The following HEPHL1 variants were observed in gnomAD, a reference collection of about 807,000 sequenced individuals.
HEPHL1 encodes the protein ferroxidase HEPHL1.
HEPHL1 carries 123 observed loss-of-function variants against 122.0 expected under a neutral mutation model. The ratio of observed to expected loss-of-function variants is 1.01; its 90% CI spans 0.87 to 1.17. HEPHL1 has a LOEUF of 1.17. HEPHL1 is among the 50% of genes most tolerant of loss of function. The pLI, the probability that HEPHL1 is intolerant of heterozygous loss-of-function variation, is 0.00. For synonymous variants in HEPHL1, 527 were observed against 508.9 expected (o/e 1.04, Z -0.48); for missense variants, 1,452 against 1,430.5 (o/e 1.01, Z -0.24).
At chr11:94,043,151 A>G (rs1451155653) in intron 1 of HEPHL1, among the ~76,000 whole-genome samples, 2 of 152,222 alleles carry the variant, frequency 1.3e-5, no homozygotes, top group Non-Finnish European at 2.9e-5. Flanking sequence ...AGAAAGTACA[A>G]TAAAATAAAA....
intron 17 of HEPHL1, among the ~76,000 whole-genome samples, 163 bp downstream of exon 17, chr11:94,106,293 CT>C (rs11315401): frequency 0.6 from 73,326 of 121,658 alleles, 20,440 homozygotes; most frequent in Admixed American, 0.67. Context: ...TATTTCTTTT[CT>C]TTTTTTTTTT....
chr11:94,083,761 T>G lies in HEPHL1; in HGVS notation c.1867+1193T>G, dbSNP rs1321112439. On this transcript the variant is annotated intron_variant, in intron 10 of 19. Coordinates refer to ENST00000315765, the MANE Select transcript of HEPHL1 (RefSeq NM_001098672.2). The stretch of plus-strand genomic sequence containing the variant: ...TCTTGTGCCAATGGAAAGCATGGAG[T>G]AGTACATTTCAGTGTCATCTTCTAC... Among the ~76,000 whole-genome samples the G allele has an allele frequency of 4.1e-5, 3 of 73,558 alleles. No homozygotes were observed. In the Admixed American group the frequency reaches 5.1e-4, roughly 13 times the overall value. 48.3% of individuals were successfully genotyped at this position (73,558 alleles called of 152,430 possible).
At chr11:94,042,875 T>TAAAAAAAAAAAACAAA in intron 1 of HEPHL1, among the ~76,000 whole-genome samples, 1 of 63,168 alleles carries the variant, frequency 1.6e-5, no homozygotes, top group Non-Finnish European at 2.9e-5. Flanking sequence ...TAAAGTATAA[T>TAAAAAAAAAAAACAAA]AAAAAAAAAA....
chr11:94,106,209 T>C (rs1366831678), intron 17 of HEPHL1, 79 bp downstream of exon 17: 1 of 1,136,666 alleles, frequency 8.8e-7, no homozygotes, highest in East Asian at 2.4e-5. Flanking sequence ...AAATAAGAGT[T>C]ACTTGGCAAT....
rs149413743 is a variant in HEPHL1 at position 94,025,224 on chromosome 11, G to A, written c.170+3686G>A. 1.6e-4 allele frequency among the ~76,000 whole-genome samples: 25 copies of A among 152,220 alleles called. No homozygotes were observed. The East Asian group carries it at 4.8e-3, about 29-fold the overall frequency. ...TCACTAATGTTTCCTAGAAAGTATAGGATTTAGGAGTTAGATTCTATTTAG... is the reference window on the plus strand; with the variant it reads ...TCACTAATGTTTCCTAGAAAGTATAAGATTTAGGAGTTAGATTCTATTTAG... On this transcript the variant is annotated intron_variant, in intron 1 of 19. Coordinates refer to ENST00000315765, the MANE Select transcript of HEPHL1 (RefSeq NM_001098672.2).
chr11:94,082,400 T>C lies in HEPHL1; in HGVS notation c.1717-18T>C. The stretch of plus-strand genomic sequence containing the variant: ...CCAAGCTGTACCTTTTATGTATTCA[T>C]TTCTTTCTTCTCTGTAGAAAGGAAT... On this transcript the variant is annotated intron_variant, in intron 9 of 19. Transcript: ENST00000315765. 1 of 1,581,930 alleles carries C rather than the reference T, an allele frequency of 6.3e-7. No homozygotes were observed. Among genetic ancestry groups the C allele is most frequent in the Non-Finnish European group, 8.6e-7 (1 of 1,162,334 alleles).
chr11:94,082,418 A>G lies in HEPHL1; in HGVS notation c.1717A>G (p.Lys573Glu). Reference protein sequence around the residue: ...KGVLNADGTQKGIDKEFYLLF... With the variant: ...KGVLNADGTQEGIDKEFYLLF... The stretch of plus-strand genomic sequence containing the variant: ...GTATTCATTTCTTTCTTCTCTGTAG[A>G]AAGGAATAGACAAGGAGTTTTACCT... Residue 573 changes from lysine to glutamate, a missense_variant and splice_region_variant, in exon 10 of 20, where the codon AAA becomes GAA. Physicochemically the swap from Lys to Glu is moderately conservative, Grantham distance 56. Transcript: ENST00000315765. The G allele has an allele frequency of 6.2e-7, 1 of 1,602,024 alleles. No homozygotes were observed. Among genetic ancestry groups the G allele is most frequent in the Non-Finnish European group, 8.5e-7 (1 of 1,173,512 alleles).
At chr11:94,036,912 G>A (rs1276943682) in intron 1 of HEPHL1, among the ~76,000 whole-genome samples, 2 of 152,028 alleles carry the variant, frequency 1.3e-5, no homozygotes, top group Non-Finnish European at 2.9e-5. Context: ...CTCCCAGCGT[G>A]AGCGACACAG....
intron 1 of HEPHL1, among the ~76,000 whole-genome samples, chr11:94,024,403 T>C (rs1020797858): frequency 6.6e-6 from 1 of 152,160 alleles, no homozygotes; most frequent in Non-Finnish European, 1.5e-5. Flanking sequence ...ATTTTGAAAC[T>C]GAATGAAAAA....
intron 1 of HEPHL1, among the ~76,000 whole-genome samples, chr11:94,045,007 G>C (rs775759901): frequency 6.6e-6 from 1 of 152,082 alleles, no homozygotes; most frequent in Non-Finnish European, 1.5e-5. Context: ...CCAGGCTTGA[G>C]TGATCCTCCT....
intron 6 of HEPHL1, among the ~76,000 whole-genome samples, chr11:94,072,150 G>A (rs531765475): frequency 2.6e-5 from 4 of 152,086 alleles, no homozygotes; most frequent in Non-Finnish European, 4.4e-5. Context: ...TTGTAATCAC[G>A]GTCTTGGCCA....
chr11:94,096,362 G>T (rs917652770), intron 13 of HEPHL1, among the ~76,000 whole-genome samples: 7 of 152,162 alleles, frequency 4.6e-5, no homozygotes, highest in Non-Finnish European at 1.0e-4. Flanking sequence ...TGCATCCCAG[G>T]GATGAAGCCC....
intron 1 of HEPHL1, among the ~76,000 whole-genome samples, chr11:94,024,006 G>A (rs1319497389): frequency 2.0e-5 from 3 of 152,164 alleles, no homozygotes; most frequent in South Asian, 2.1e-4. Flanking sequence ...AGTTCAGTGT[G>A]TGTACTCTGT....
At chr11:94,102,678 A>G (rs1946377269) in intron 14 of HEPHL1, among the ~76,000 whole-genome samples, 1 of 152,254 alleles carries the variant, frequency 6.6e-6, no homozygotes, top group African/African-American at 2.4e-5. Context: ...ACCAGTTGAC[A>G]ATAGAAAAAT....
At chr11:94,033,191 C>G (rs1945691575) in intron 1 of HEPHL1, among the ~76,000 whole-genome samples, 1 of 152,170 alleles carries the variant, frequency 6.6e-6, no homozygotes, top group Non-Finnish European at 1.5e-5. Flanking sequence ...CATTCCTGCT[C>G]TAAAACTTGC....
Position 94,086,126 on chromosome 11 carries a change from C to A in HEPHL1, c.2017C>A (p.Arg673=). The A allele has an allele frequency of 4.3e-6, 7 of 1,613,394 alleles. No homozygotes were observed. The highest frequency in any genetic ancestry group is 5.9e-6 in the Non-Finnish European group (7 of 1,179,782). ...CACCATCCACCTACGAGGGACTCAC[C>A]GAGACTCCCTGGCCCTGTTTCCCCA... ...GNTIHLRGTH[R]DSLALFPHMA... The change falls in exon 11 of 20, where the codon CGA becomes AGA. Residue 673 remains arginine, a synonymous_variant. Transcript: ENST00000315765.
At chr11:94,070,180 G>A (rs1021270363) in intron 5 of HEPHL1, among the ~76,000 whole-genome samples, 194 bp from the exon 6 acceptor site, 5 of 152,118 alleles carry the variant, frequency 3.3e-5, no homozygotes, top group Admixed American at 1.3e-4. Flanking sequence ...AGTGATTTAC[G>A]TATTAATCTT....
chr11:94,027,696 G>C lies in HEPHL1; in HGVS notation c.170+6158G>C, dbSNP rs185630911. Among the ~76,000 whole-genome samples, 100 of 152,322 alleles carry C rather than the reference G, an allele frequency of 6.6e-4. 1 individual carries two copies. The highest frequency in any genetic ancestry group is 2.4e-3 in the African/African-American group (99 of 41,578). ...CATTTCACAACCAGCAAGTGAGAGA[G>C]TTGGGATTCAAGCTCATTTTCATTC... is the stretch of plus-strand genomic sequence containing the variant. On this transcript the variant is annotated intron_variant, in intron 1 of 19. Coordinates refer to ENST00000315765, the MANE Select transcript of HEPHL1 (RefSeq NM_001098672.2).
intron 1 of HEPHL1, among the ~76,000 whole-genome samples, chr11:94,042,651 C>G (rs1945792507): frequency 6.9e-6 from 1 of 145,684 alleles, no homozygotes; most frequent in Admixed American, 7.2e-5. Context: ...CGCATATTCT[C>G]ACTCATAGGT....
Sources: allele counts gnomAD v4.1 joint callset (sites outside exome capture counted in the v4.1 genomes callset), GRCh38; gene constraint gnomAD v4.1.1; transcripts MANE v1.5; gene names NCBI Gene and HGNC (gene_info 2026-07-23, HGNC 2026-07-21).